Variants in ZNF678 observed in about 807,000 individuals in gnomAD.
The protein encoded by ZNF678 is zinc finger protein 678.
Under a neutral mutation model 3.0 loss-of-function variants are expected in ZNF678, and 5 were observed. The observed-to-expected ratio is 1.69, with a 90% CI of 0.88 to 3.56. The LOEUF (loss-of-function observed/expected upper bound fraction) is 3.56. ZNF678 is among the 30% of genes most tolerant of loss of function. ZNF678 has a pLI of 0.00. For synonymous variants in ZNF678, 218 were observed against 199.6 expected, an observed-to-expected ratio of 1.09 and a Z score of -0.78; for missense variants, 593 against 605.0, an observed-to-expected ratio of 0.98 and a Z score of 0.21.
chr1:227,586,816 C>T (rs997840878), intron 1 of ZNF678, among the ~76,000 whole-genome samples: 1 of 152,082 alleles, frequency 6.6e-6, no homozygotes, highest in Non-Finnish European at 1.5e-5. Flanking sequence ...TATTCTTAAC[C>T]CTAATAGGCA....
chr1:227,622,721 GC>G (rs1658310217), intron 1 of ZNF678, among the ~76,000 whole-genome samples: 1 of 152,122 alleles, frequency 6.6e-6, no homozygotes, highest in Non-Finnish European at 1.5e-5. Context: ...AGCCCCTCCT[GC>G]CTCCATTGAG....
At chr1:227,588,680 T>C (rs1657328127) in intron 1 of ZNF678, among the ~76,000 whole-genome samples, 1 of 152,044 alleles carries the variant, frequency 6.6e-6, no homozygotes. Context: ...TTTTTTTCTA[T>C]TTTTTAATAG....
At chr1:227,611,304 G>GA (rs1470250522) in intron 1 of ZNF678, among the ~76,000 whole-genome samples, 2 of 152,090 alleles carry the variant, frequency 1.3e-5, no homozygotes, top group Admixed American at 1.3e-4. Context: ...GACCCATGGG[G>GA]ATGGGCCATC....
At chr1:227,606,741 C>T (rs756078116) in intron 1 of ZNF678, among the ~76,000 whole-genome samples, 8 of 152,074 alleles carry the variant, frequency 5.3e-5, no homozygotes, top group African/African-American at 9.7e-5. Context: ...TGCAGTGCAT[C>T]GTGTCCCTGG....
At chr1:227,615,465 T>C (rs1200379321) in intron 1 of ZNF678, among the ~76,000 whole-genome samples, 2 of 152,192 alleles carry the variant, frequency 1.3e-5, no homozygotes, top group Non-Finnish European at 2.9e-5. Context: ...ACCTATGATA[T>C]CACCTCCAGC....
chr1:227,621,925 G>A (rs936989572), intron 1 of ZNF678, among the ~76,000 whole-genome samples: 3 of 152,160 alleles, frequency 2.0e-5, no homozygotes, highest in East Asian at 1.9e-4. Flanking sequence ...GCAATAGCAC[G>A]TCCAATTCTA....
At chr1:227,615,452 T>C (rs1445628475) in intron 1 of ZNF678, among the ~76,000 whole-genome samples, 1 of 152,220 alleles carries the variant, frequency 6.6e-6, no homozygotes, top group Admixed American at 6.5e-5. Context: ...ATCAAGCTTT[T>C]GTACCTATGA....
intron 5 of ZNF678, among the ~76,000 whole-genome samples, chr1:227,668,969 C>A (rs1035739355): frequency 6.6e-5 from 10 of 151,892 alleles, no homozygotes; most frequent in Non-Finnish European, 1.3e-4. Context: ...TGAAAGCAAA[C>A]CTAGAATTTA....
chr1:227,593,326 T>G (rs1200995459), intron 1 of ZNF678, among the ~76,000 whole-genome samples: 1 of 152,238 alleles, frequency 6.6e-6, no homozygotes, highest in Admixed American at 6.5e-5. Context: ...CTGTCTTTAT[T>G]GCTAAAGTTT....
chr1:227,658,454 A>G lies in ZNF678; in HGVS notation c.*2626A>G, dbSNP rs2102811376. The G allele has an allele frequency of 6.6e-6, 1 of 152,212 alleles. No individual in the cohort carries two copies. The highest frequency in any genetic ancestry group is 2.1e-4 in the South Asian group (1 of 4,830). 9.4% of individuals were successfully genotyped at this position (152,212 alleles called of 1,614,324 possible). A position where few individuals can be genotyped will look rare whatever the true frequency, so the allele number is the denominator to read the frequency against. On this transcript the variant is annotated 3_prime_UTR_variant, in exon 4 of 4. Transcript: ENST00000343776. ...CTCTGCATGTAAAGAAAACACATGT[A>G]TACCCAGGCTGTACAACTGCCTCTG... is the stretch of plus-strand genomic sequence containing the variant.
chr1:227,596,932 C>T (rs1186398871), intron 1 of ZNF678, among the ~76,000 whole-genome samples: 1 of 152,098 alleles, frequency 6.6e-6, no homozygotes, highest in Admixed American at 6.5e-5. Flanking sequence ...CCAAATTCAA[C>T]AGCACATAAT....
At position 227,638,776 on chromosome 1, in the gene ZNF678, G is replaced by A. The variant is rs1658743926; in HGVS notation, c.-163-7768G>A. 6.6e-6 allele frequency among the ~76,000 whole-genome samples: 1 copy of A among 152,096 alleles called. No individual in the cohort carries two copies. The highest frequency in any genetic ancestry group is 1.5e-5 in the Non-Finnish European group (1 of 68,020). On this transcript the variant is annotated intron_variant, in intron 1 of 3. Coordinates refer to ENST00000343776, the MANE Select transcript of ZNF678 (RefSeq NM_001367909.1). The surrounding 1 kb of genome is among the most constrained non-coding windows in gnomAD (Gnocchi z 4.2). The stretch of plus-strand genomic sequence containing the variant: ...GCAGAACTAAGAAAGAGTGAGTGAA[G>A]GAAAAGGTTACGTGTAGGGAGCAGA...
At chr1:227,628,912 AGGATGTACAG>A (rs1038992970) in intron 1 of ZNF678, among the ~76,000 whole-genome samples, 2 of 152,228 alleles carry the variant, frequency 1.3e-5, no homozygotes, top group Non-Finnish European at 2.9e-5. Flanking sequence ...ATTGAGAGTC[AGGATGTACAG>A]GGATGCAGAA....
chr1:227,625,317 G>A (rs1250207145), intron 1 of ZNF678, among the ~76,000 whole-genome samples: 1 of 152,096 alleles, frequency 6.6e-6, no homozygotes, highest in Non-Finnish European at 1.5e-5. Context: ...TGTTGGGGAG[G>A]TTGGCCGACG....
At chr1:227,645,144 A>G (rs1275284233) in intron 1 of ZNF678, among the ~76,000 whole-genome samples, 2 of 152,206 alleles carry the variant, frequency 1.3e-5, no homozygotes, top group Non-Finnish European at 2.9e-5. Context: ...ATGATGAAGA[A>G]ACAGGAGAGT....
At chr1:227,584,228 G>T (rs1657203971) in intron 1 of ZNF678, among the ~76,000 whole-genome samples, 1 of 152,154 alleles carries the variant, frequency 6.6e-6, no homozygotes, top group African/African-American at 2.4e-5. Flanking sequence ...GCAGTCAACA[G>T]CTCACTGTTG....
intron 1 of ZNF678, among the ~76,000 whole-genome samples, chr1:227,572,764 G>A (rs1430259544): frequency 1.3e-5 from 2 of 152,248 alleles, no homozygotes; most frequent in Non-Finnish European, 2.9e-5. Flanking sequence ...GAGAGGCAAT[G>A]ATTGCTGCAT....
At chr1:227,633,031 T>C (rs1288321841) in intron 1 of ZNF678, among the ~76,000 whole-genome samples, 1 of 152,124 alleles carries the variant, frequency 6.6e-6, no homozygotes, top group Middle Eastern at 3.2e-3. Flanking sequence ...ACCCAGGCAC[T>C]TAGCCATGCA....
At chr1:227,679,092 G>GAA (rs572998181), downstream of ZNF678, among the ~76,000 whole-genome samples, 4,477 of 147,700 alleles carry the variant, frequency 0.03, 90 homozygotes, top group Middle Eastern at 0.086. Context: ...CTCTCCTATG[G>GAA]AAAAAAAAAG....
Sources: gnomAD v4.1 joint callset for allele counts (sites outside exome capture counted in the v4.1 genomes callset) on GRCh38, gnomAD v4.1.1 for gene constraint, Gnocchi (gnomAD v3.1) non-coding constraint, MANE v1.5 for transcripts, NCBI Gene and HGNC (gene_info 2026-07-23, HGNC 2026-07-21) for gene names.